PTPRD: variants seen among roughly 807,000 people sequenced by gnomAD.
The protein encoded by PTPRD is receptor-type tyrosine-protein phosphatase delta.
Under a neutral mutation model 214.5 loss-of-function variants are expected in PTPRD, and 34 were observed. The ratio of observed to expected loss-of-function variants is 0.16; its 90% CI spans 0.12 to 0.21. PTPRD has a LOEUF of 0.21. Among genes scored for constraint, PTPRD ranks in the 10% least tolerant of loss-of-function variants. The pLI is 1.00. For missense variants in PTPRD, 2,545 were observed against 2,398.7 expected (o/e 1.06, Z -1.27); for synonymous variants, 1,128 against 845.7 (o/e 1.33, Z -5.79).
intron 7 of PTPRD, among the ~76,000 whole-genome samples, chr9:9,697,569 C>T (rs1257961234): frequency 1.3e-5 from 2 of 152,028 alleles, no homozygotes; most frequent in East Asian, 3.9e-4. Flanking sequence ...TTGGAAGTCT[C>T]TCATATGTTT....
At chr9:8,934,434 TAA>T (rs1265403295) in intron 11 of PTPRD, among the ~76,000 whole-genome samples, 17,281 of 53,452 alleles carry the variant, frequency 0.32, 3,202 homozygotes, top group Non-Finnish European at 0.39. Flanking sequence ...TATATATATA[TAA>T]ATATATATAT....
intron 11 of PTPRD, chr9:8,861,835 ACTAAAT>A (rs2098112430): frequency 6.6e-6 from 1 of 152,198 alleles, no homozygotes; most frequent in Non-Finnish European, 1.5e-5. Flanking sequence ...TTCATAAAAC[ACTAAAT>A]CTAATATCTA....
At chr9:8,517,799 T>C (rs770965800) in intron 21 of PTPRD, 49 bp downstream of exon 21, 32 of 1,505,122 alleles carry the variant, frequency 2.1e-5, no homozygotes, top group Non-Finnish European at 2.7e-5. Flanking sequence ...CTCACCTCTT[T>C]GCACCAGCCC....
intron 4 of PTPRD, among the ~76,000 whole-genome samples, chr9:9,985,760 G>C (rs2095688915): frequency 6.6e-6 from 1 of 151,610 alleles, no homozygotes; most frequent in African/African-American, 2.4e-5. Context: ...TATAATAACA[G>C]TTTTTTGATT....
chr9:10,343,492 C>CA (rs2096986652), intron 2 of PTPRD, among the ~76,000 whole-genome samples: 1 of 152,072 alleles, frequency 6.6e-6, no homozygotes, highest in Non-Finnish European at 1.5e-5. Flanking sequence ...GGTATATACC[C>CA]AGTAACGGGA....
At chr9:9,686,992 T>TA (rs928523455) in intron 7 of PTPRD, among the ~76,000 whole-genome samples, 1 of 151,806 alleles carries the variant, frequency 6.6e-6, no homozygotes, top group African/African-American at 2.4e-5. Context: ...ACCTTATTAT[T>TA]ACGTTGTGAG....
intron 10 of PTPRD, among the ~76,000 whole-genome samples, chr9:9,035,155 C>A (rs1414926925): frequency 6.6e-6 from 1 of 151,994 alleles, no homozygotes; most frequent in Non-Finnish European, 1.5e-5. Context: ...TGGTCCTCTG[C>A]TCAGTGAACA....
rs1018433827 is a variant in PTPRD at position 8,749,976 on chromosome 9, G to A, written c.-103-16030C>T. ...AAATGAGCCAGCTGTGGTGGCGGTC[G>A]CCTGTAGTCCCAGCTCCTCGGGAAG... On this transcript the variant is annotated intron_variant, in intron 11 of 45. Transcript: ENST00000381196. Among the ~76,000 whole-genome samples, 4 of 151,908 alleles carry A rather than the reference G, an allele frequency of 2.6e-5. No individual in the cohort carries two copies. In the East Asian group the frequency reaches 6.0e-4, roughly 23 times the overall value.
At chr9:9,575,587 G>A (rs1019809851) in intron 7 of PTPRD, among the ~76,000 whole-genome samples, 2 of 151,410 alleles carry the variant, frequency 1.3e-5, no homozygotes, top group African/African-American at 2.4e-5. Flanking sequence ...ACCTGTGGTG[G>A]TGCATGCCTG....
chr9:8,901,542 A>G (rs2098668741), intron 11 of PTPRD, among the ~76,000 whole-genome samples: 1 of 152,194 alleles, frequency 6.6e-6, no homozygotes, highest in South Asian at 2.1e-4. Context: ...CAAATGCAAA[A>G]TGCTCCATGA....
At chr9:9,021,497 G>T (rs2099569417) in intron 10 of PTPRD, among the ~76,000 whole-genome samples, 2 of 152,034 alleles carry the variant, frequency 1.3e-5, no homozygotes, top group Non-Finnish European at 2.9e-5. Context: ...TTATGTATTT[G>T]CCATACTATG....
intron 8 of PTPRD, among the ~76,000 whole-genome samples, chr9:9,549,185 A>G (rs1314343299): frequency 6.6e-6 from 1 of 152,088 alleles, no homozygotes; most frequent in African/African-American, 2.4e-5. Context: ...TTTAAAATTC[A>G]CCTTATCAAA....
At chr9:8,436,731 GA>G in intron 34 of PTPRD, 42 bp from the exon 35 acceptor site, 1 of 1,476,394 alleles carries the variant, frequency 6.8e-7, no homozygotes. Flanking sequence ...GAAAACAAAT[GA>G]AAATGATGCT....
At chr9:10,303,097 A>G (rs1255505743) in intron 3 of PTPRD, among the ~76,000 whole-genome samples, 1 of 152,254 alleles carries the variant, frequency 6.6e-6, no homozygotes. Context: ...AGAACTCAGG[A>G]TTAATAAACT....
intron 39 of PTPRD, among the ~76,000 whole-genome samples, chr9:8,372,448 A>G (rs947993188): frequency 6.6e-6 from 1 of 152,000 alleles, no homozygotes; most frequent in Admixed American, 6.6e-5. Context: ...TCTCATTGCT[A>G]TAGCGTTATC....
chr9:10,237,999 T>C (rs1176314321), intron 3 of PTPRD, among the ~76,000 whole-genome samples: 2 of 151,570 alleles, frequency 1.3e-5, no homozygotes, highest in Non-Finnish European at 2.9e-5. Flanking sequence ...TGTTACCTAT[T>C]AATTGCAGCT....
At chr9:9,827,501 T>A (rs1469832558) in intron 5 of PTPRD, among the ~76,000 whole-genome samples, 1 of 152,130 alleles carries the variant, frequency 6.6e-6, no homozygotes, top group African/African-American at 2.4e-5. Flanking sequence ...TATACAAAAA[T>A]TAATTCAAGA....
At chr9:8,395,820 C>A (rs1321235300) in intron 36 of PTPRD, among the ~76,000 whole-genome samples, 1 of 151,978 alleles carries the variant, frequency 6.6e-6, no homozygotes, top group Non-Finnish European at 1.5e-5. Context: ...AGAATGGACA[C>A]AGGAAAGTAG....
At chr9:9,420,915 T>C (rs4742595) in intron 8 of PTPRD, among the ~76,000 whole-genome samples, 123,115 of 151,820 alleles carry the variant, frequency 0.81, 50,051 homozygotes, top group Non-Finnish European at 0.82. Flanking sequence ...TCCTTAACAG[T>C]GGTCTTTTTT....
Sources: allele counts gnomAD v4.1 joint callset (sites outside exome capture counted in the v4.1 genomes callset), GRCh38; gene constraint gnomAD v4.1.1; transcripts MANE v1.5; gene names NCBI Gene and HGNC (gene_info 2026-07-23, HGNC 2026-07-21).